The following SOBP variants were observed in gnomAD, a reference collection of about 807,000 sequenced individuals.
SOBP encodes sine oculis binding protein homolog.
A neutral mutation model predicts 53.6 loss-of-function variants in SOBP; 4 were observed. That is an observed-to-expected ratio of 0.07 (90% CI 0.04 to 0.17). The LOEUF is 0.17. Ranked by LOEUF, SOBP falls within the 10% of genes least tolerant of loss-of-function variation. The pLI is 1.00. For missense variants in SOBP, 1,088 were observed against 1,204.7 expected (o/e 0.90, Z 1.43); for synonymous variants, 584 against 522.6 (o/e 1.12, Z -1.60).
At chr6:107,504,859 A>T (rs898100271) in intron 2 of SOBP, among the ~76,000 whole-genome samples, 3 of 152,250 alleles carry the variant, frequency 2.0e-5, no homozygotes, top group African/African-American at 7.2e-5. Context: ...ACTGTAAATG[A>T]AAAATGCAAG....
intron 5 of SOBP, among the ~76,000 whole-genome samples, chr6:107,608,329 A>G (rs1176518199): frequency 6.6e-6 from 1 of 152,144 alleles, no homozygotes; most frequent in Non-Finnish European, 1.5e-5. Context: ...GAATGAGATG[A>G]AAAAAATGGG....
At chr6:107,517,069 A>G (rs543938576) in intron 3 of SOBP, among the ~76,000 whole-genome samples, 27 of 152,364 alleles carry the variant, frequency 1.8e-4, no homozygotes, top group African/African-American at 5.5e-4. Context: ...AACAATCTTG[A>G]AGAAAAAAAT....
At chr6:107,652,613 A>G (rs1302636803) in intron 6 of SOBP, among the ~76,000 whole-genome samples, 1 of 152,248 alleles carries the variant, frequency 6.6e-6, no homozygotes, top group African/African-American at 2.4e-5. Flanking sequence ...CTCAGTTTTG[A>G]AAGTGTTCTA....
rs1008642540 is a variant in SOBP, at chr6:107,660,234, T to TC, written c.*2036dup. The TC allele has an allele frequency of 6.6e-6, 1 of 152,438 alleles. No homozygotes were observed. The highest frequency in any genetic ancestry group is 1.5e-5 in the Non-Finnish European group (1 of 68,026). 9.4% of individuals were successfully genotyped at this position (152,438 alleles called of 1,614,324 possible). ...TTTATTACAGAGGTGTTCATTTTTCTCCCCCTGGGAAACATTTTAAAAAAT... is the reference window on the plus strand; with the variant it reads ...TTTATTACAGAGGTGTTCATTTTTCTCCCCCCTGGGAAACATTTTAAAAAAT... On this transcript the variant is annotated 3_prime_UTR_variant, in exon 7 of 7. Transcript: ENST00000317357.
Position 107,635,770 on chromosome 6 carries a change from A to G in SOBP, c.*3+301A>G, listed in dbSNP as rs1415673952. Reference sequence around the variant, plus strand: ...CCTGTCATGAAATATTGTCTCTCCAATTACACTTTATTATCATGCTCATCT... The same window carrying G: ...CCTGTCATGAAATATTGTCTCTCCAGTTACACTTTATTATCATGCTCATCT... On this transcript the variant is annotated intron_variant, in intron 6 of 6. Transcript: ENST00000317357. This position sits in a 1 kb window ranked among gnomAD's most constrained non-coding sequence, Gnocchi z 4.5. Among the ~76,000 whole-genome samples, 2 of 152,144 alleles carry G rather than the reference A, an allele frequency of 1.3e-5. No individual in the cohort carries two copies. The highest frequency in any genetic ancestry group is 6.5e-5 in the Admixed American group (1 of 15,278).
chr6:107,536,773 G>A (rs1784010744), intron 4 of SOBP, among the ~76,000 whole-genome samples: 1 of 152,164 alleles, frequency 6.6e-6, no homozygotes, highest in African/African-American at 2.4e-5. Flanking sequence ...ATGAATCACA[G>A]CTGTATTCAC....
At chr6:107,640,238 C>G (rs940781852) in intron 6 of SOBP, among the ~76,000 whole-genome samples, 2 of 152,148 alleles carry the variant, frequency 1.3e-5, no homozygotes, top group African/African-American at 4.8e-5. Context: ...GGAAGTCAGT[C>G]CATACATTCG....
At chr6:107,632,966 G>A (rs1429947838) in intron 5 of SOBP, among the ~76,000 whole-genome samples, 2 of 152,166 alleles carry the variant, frequency 1.3e-5, no homozygotes, top group African/African-American at 4.8e-5. Context: ...TTAATTCCAA[G>A]TTTCTCCTTG....
intron 5 of SOBP, among the ~76,000 whole-genome samples, chr6:107,627,758 T>C (rs1770527429): frequency 6.6e-6 from 1 of 152,260 alleles, no homozygotes; most frequent in African/African-American, 2.4e-5. Context: ...TGCATTTGTT[T>C]TTATTGTATA....
chr6:107,548,387 C>T (rs961324194), intron 4 of SOBP, among the ~76,000 whole-genome samples: 7 of 151,602 alleles, frequency 4.6e-5, no homozygotes, highest in Non-Finnish European at 7.4e-5. Flanking sequence ...GGACTACAGG[C>T]GCCCGCCACC....
intron 5 of SOBP, among the ~76,000 whole-genome samples, chr6:107,610,004 G>T (rs1197730891): frequency 6.6e-6 from 1 of 152,108 alleles, no homozygotes. Flanking sequence ...CCCACATAGG[G>T]CCCACTTCAT....
chr6:107,560,736 GGAGT>G (rs1210977217), intron 4 of SOBP, among the ~76,000 whole-genome samples: 1 of 152,156 alleles, frequency 6.6e-6, no homozygotes, highest in Non-Finnish European at 1.5e-5. Flanking sequence ...AGACAGCCCA[GGAGT>G]GACCGGGCTG....
At chr6:107,491,750 G>C (rs1323731711) in intron 1 of SOBP, among the ~76,000 whole-genome samples, 2 of 152,166 alleles carry the variant, frequency 1.3e-5, no homozygotes, top group East Asian at 1.9e-4. Context: ...CCCATCTTCT[G>C]CATGAAATCC....
intron 4 of SOBP, among the ~76,000 whole-genome samples, chr6:107,535,133 A>T (rs749967947): frequency 4.6e-5 from 7 of 152,190 alleles, no homozygotes; most frequent in Non-Finnish European, 8.8e-5. Flanking sequence ...GACTAAAATC[A>T]AGCAAGATGG....
At position 107,506,661 on chromosome 6, in the gene SOBP, C is replaced by T. The variant is rs551354254; in HGVS notation, c.421+234C>T. Among the ~76,000 whole-genome samples the T allele has an allele frequency of 6.6e-4, 100 of 152,066 alleles. 1 individual carries two copies. The highest frequency in any genetic ancestry group is 1.2e-3 in the Non-Finnish European group (80 of 68,012). ...TCAACTGACAGTAAACCTTTTCTAC[C>T]ACTGACTACAAAACAAAGTTATTTT... On this transcript the variant is annotated intron_variant, in intron 3 of 6. Transcript: ENST00000317357.
chr6:107,579,397 G>C (rs1362697033), intron 4 of SOBP, among the ~76,000 whole-genome samples: 2 of 152,068 alleles, frequency 1.3e-5, no homozygotes, highest in African/African-American at 4.8e-5. Flanking sequence ...AAATGCAAAA[G>C]GGTCACCTGT....
chr6:107,544,516 A>G (rs973327051), intron 4 of SOBP, among the ~76,000 whole-genome samples: 1 of 152,174 alleles, frequency 6.6e-6, no homozygotes, highest in Non-Finnish European at 1.5e-5. Context: ...TCCCATGAGA[A>G]CCTTTATCAG....
At chr6:107,553,511 A>G (rs190766967) in intron 4 of SOBP, among the ~76,000 whole-genome samples, 2,028 of 147,010 alleles carry the variant, frequency 0.014, 46 homozygotes, top group African/African-American at 0.048. Flanking sequence ...TTTTTTTTTG[A>G]GATGGAGTCT....
intron 6 of SOBP, among the ~76,000 whole-genome samples, chr6:107,652,855 A>ATT (rs34926539): frequency 1.0e-3 from 156 of 148,724 alleles, no homozygotes; most frequent in East Asian, 6.4e-3. Flanking sequence ...GATTGTTAGC[A>ATT]TTTTTTTTTT....
Sources: gnomAD v4.1 joint callset for allele counts (sites outside exome capture counted in the v4.1 genomes callset) on GRCh38, gnomAD v4.1.1 for gene constraint, Gnocchi (gnomAD v3.1) non-coding constraint, MANE v1.5 for transcripts, NCBI Gene and HGNC (gene_info 2026-07-23, HGNC 2026-07-21) for gene names.